The following OPCML variants were observed in gnomAD, a reference collection of about 807,000 sequenced individuals.
OPCML encodes the protein opioid-binding protein/cell adhesion molecule.
In OPCML, 13 loss-of-function variants were observed where a neutral mutation model predicts 37.8. That is an observed-to-expected ratio of 0.34 (90% CI 0.22 to 0.55). The LOEUF (loss-of-function observed/expected upper bound fraction) is 0.55, where lower values mean the gene tolerates loss of function less well. Ranked by LOEUF, OPCML falls within the 20% of genes least tolerant of loss-of-function variation. The pLI is 0.91. For synonymous variants in OPCML, 176 were observed against 168.8 expected, an observed-to-expected ratio of 1.04 and a Z score of -0.33; for missense variants, 341 against 435.6, an observed-to-expected ratio of 0.78 and a Z score of 1.93.
intron 2 of OPCML, among the ~76,000 whole-genome samples, chr11:132,747,665 G>A (rs577047535): frequency 3.9e-5 from 6 of 152,222 alleles, no homozygotes; most frequent in Non-Finnish European, 5.9e-5. Context: ...CAGTGACTCC[G>A]GTGAAAGAGC....
intron 1 of OPCML, among the ~76,000 whole-genome samples, chr11:133,149,210 C>T (rs1042981922): frequency 2.6e-5 from 4 of 152,198 alleles, no homozygotes; most frequent in East Asian, 1.9e-4. Context: ...AACTTTGTTA[C>T]GCACCATGAT....
chr11:132,856,929 C>A (rs536367975), intron 2 of OPCML, among the ~76,000 whole-genome samples: 2 of 152,324 alleles, frequency 1.3e-5, no homozygotes, highest in South Asian at 4.1e-4. Context: ...TGACCCTGCT[C>A]TAAAACTTTT....
At chr11:133,227,682 T>A (rs2136378694) in intron 1 of OPCML, among the ~76,000 whole-genome samples, 1 of 152,266 alleles carries the variant, frequency 6.6e-6, no homozygotes, top group South Asian at 2.1e-4. Context: ...CTGGATTCCC[T>A]GTTTCTTTGT....
chr11:132,990,229 G>A (rs982843380), intron 1 of OPCML, among the ~76,000 whole-genome samples: 7 of 152,182 alleles, frequency 4.6e-5, no homozygotes, highest in African/African-American at 1.2e-4. Flanking sequence ...CCTACAGGGC[G>A]TGCACCGAGT....
chr11:133,460,158 A>G (rs75616732), intron 1 of OPCML, among the ~76,000 whole-genome samples: 8,819 of 152,054 alleles, frequency 0.058, 799 homozygotes, highest in African/African-American at 0.2. Context: ...AAATATCTTG[A>G]GAAAAACAAA....
At chr11:133,413,505 A>G (rs1194555881) in intron 1 of OPCML, among the ~76,000 whole-genome samples, 2 of 151,730 alleles carry the variant, frequency 1.3e-5, no homozygotes, top group African/African-American at 4.8e-5. Flanking sequence ...ATAAATAAAT[A>G]TATAAAAACA....
At chr11:132,633,549 G>A (rs1414796474) in intron 3 of OPCML, among the ~76,000 whole-genome samples, 2 of 152,162 alleles carry the variant, frequency 1.3e-5, no homozygotes. Flanking sequence ...CAGGAAGTGC[G>A]AGGAGGCCCC....
intron 2 of OPCML, among the ~76,000 whole-genome samples, chr11:132,875,764 AC>A (rs1942988466): frequency 6.6e-6 from 1 of 152,090 alleles, no homozygotes; most frequent in Non-Finnish European, 1.5e-5. Flanking sequence ...TGCCCAGCCT[AC>A]CCATCTAATA....
intron 1 of OPCML, among the ~76,000 whole-genome samples, chr11:133,402,993 C>T (rs1008501420): frequency 6.6e-6 from 1 of 152,126 alleles, no homozygotes; most frequent in Admixed American, 6.5e-5. Flanking sequence ...TCTTCTTAAC[C>T]ATGTTCTTTC....
chr11:132,559,214 G>A (rs936083603), intron 3 of OPCML, among the ~76,000 whole-genome samples: 1 of 152,086 alleles, frequency 6.6e-6, no homozygotes, highest in African/African-American at 2.4e-5. Context: ...AGGAGAACAT[G>A]CAGCATTCTC....
chr11:132,813,804 G>A (rs928000538), intron 2 of OPCML, among the ~76,000 whole-genome samples: 5 of 152,070 alleles, frequency 3.3e-5, no homozygotes, highest in Non-Finnish European at 1.5e-5. Flanking sequence ...TTCCCCCGGT[G>A]TATTGCTCTC....
chr11:133,356,195 C>A (rs1386318315), intron 1 of OPCML, among the ~76,000 whole-genome samples: 1 of 152,138 alleles, frequency 6.6e-6, no homozygotes, highest in African/African-American at 2.4e-5. Context: ...TCTCTCACCA[C>A]CACTAAATTT....
At chr11:132,781,213 A>G (rs537358491) in intron 2 of OPCML, among the ~76,000 whole-genome samples, 6 of 152,216 alleles carry the variant, frequency 3.9e-5, no homozygotes, top group African/African-American at 1.4e-4. Flanking sequence ...TCATTTCCGG[A>G]TAAGACAAAC....
chr11:133,202,953 A>G (rs1256268430), intron 1 of OPCML, among the ~76,000 whole-genome samples: 2 of 152,214 alleles, frequency 1.3e-5, no homozygotes, highest in Non-Finnish European at 2.9e-5. Context: ...GCACTTGTTT[A>G]GTATCTTCTG....
intron 2 of OPCML, among the ~76,000 whole-genome samples, chr11:132,885,418 A>G (rs570381432): frequency 6.6e-6 from 1 of 152,330 alleles, no homozygotes; most frequent in East Asian, 1.9e-4. Context: ...CTTTAGCTGG[A>G]GGTCAAGAGA....
chr11:132,581,077 G>A (rs983848146), intron 3 of OPCML, among the ~76,000 whole-genome samples: 22 of 152,064 alleles, frequency 1.4e-4, no homozygotes, highest in African/African-American at 5.3e-4. Flanking sequence ...AAAAGGAAGA[G>A]GTCTTTAATG....
At chr11:133,025,319 T>C (rs1480099400) in intron 1 of OPCML, 1 of 985,148 alleles carries the variant, frequency 1.0e-6, no homozygotes, top group African/African-American at 1.7e-5. Context: ...TTGACATTTC[T>C]GTGGATGATT....
intron 3 of OPCML, among the ~76,000 whole-genome samples, chr11:132,598,334 A>C (rs912909276): frequency 1.3e-5 from 2 of 152,148 alleles, no homozygotes; most frequent in Non-Finnish European, 2.9e-5. Flanking sequence ...TTATCTTTGC[A>C]TTGTGACCCC....
At chr11:132,738,872 A>C (rs771824233) in intron 2 of OPCML, among the ~76,000 whole-genome samples, 10 of 152,210 alleles carry the variant, frequency 6.6e-5, no homozygotes, top group Non-Finnish European at 1.0e-4. Context: ...AAAGGTGAGA[A>C]TGTCAAGAAG....
Sources: gnomAD v4.1 joint callset for allele counts (sites outside exome capture counted in the v4.1 genomes callset) on GRCh38, gnomAD v4.1.1 for gene constraint, MANE v1.5 for transcripts, NCBI Gene and HGNC (gene_info 2026-07-23, HGNC 2026-07-21) for gene names.